CFAP299: variants seen among roughly 807,000 people sequenced by gnomAD.
CFAP299 encodes cilia- and flagella-associated protein 299.
CFAP299 carries 21 observed loss-of-function variants against 27.0 expected under a neutral mutation model. The observed-to-expected ratio is 0.78, with a 90% CI of 0.55 to 1.12. CFAP299 has a LOEUF of 1.12. CFAP299 is among the 50% of genes most tolerant of loss of function. The probability of loss-of-function intolerance (pLI) is 0.00; values close to 1 mark genes in which losing one functional copy is unlikely to be tolerated. For missense variants in CFAP299, 310 were observed against 276.6 expected (o/e 1.12, Z -0.86); for synonymous variants, 104 against 98.1 (o/e 1.06, Z -0.36).
intron 4 of CFAP299, among the ~76,000 whole-genome samples, chr4:80,901,262 T>C (rs564123229): frequency 1.1e-4 from 17 of 152,320 alleles, no homozygotes; most frequent in African/African-American, 4.1e-4. Flanking sequence ...AACACGCATG[T>C]GCACATACAC....
At chr4:80,885,350 T>C (rs1733920180) in intron 4 of CFAP299, among the ~76,000 whole-genome samples, 1 of 152,176 alleles carries the variant, frequency 6.6e-6, no homozygotes, top group Admixed American at 6.5e-5. Flanking sequence ...TTAGAGCCAG[T>C]GAACTACTGC....
chr4:80,439,431 G>A (rs1049836841), intron 2 of CFAP299, among the ~76,000 whole-genome samples: 9 of 152,160 alleles, frequency 5.9e-5, no homozygotes, highest in South Asian at 2.1e-4. Context: ...CACCTCACCC[G>A]GGAAGCTCAA....
intron 3 of CFAP299, chr4:80,608,494 C>A: frequency 1.7e-6 from 1 of 575,294 alleles, no homozygotes; most frequent in South Asian, 2.7e-5. Context: ...CCGAATTACT[C>A]ACCAGCTTGA....
At chr4:80,523,795 A>G (rs1416950540) in intron 2 of CFAP299, among the ~76,000 whole-genome samples, 1 of 152,110 alleles carries the variant, frequency 6.6e-6, no homozygotes, top group Non-Finnish European at 1.5e-5. Context: ...AGCCTCCACG[A>G]TTGTGTGAAC....
intron 2 of CFAP299, among the ~76,000 whole-genome samples, chr4:80,472,265 G>A (rs894180295): frequency 2.0e-5 from 3 of 152,176 alleles, no homozygotes; most frequent in Non-Finnish European, 4.4e-5. Flanking sequence ...GATAGTAAGC[G>A]GGGAGGAGAG....
chr4:80,720,919 A>T (rs978004356), intron 3 of CFAP299, among the ~76,000 whole-genome samples: 3 of 152,152 alleles, frequency 2.0e-5, no homozygotes, highest in African/African-American at 7.2e-5. Flanking sequence ...ATTGGAAGAT[A>T]TTTTTTAAAT....
intron 3 of CFAP299, among the ~76,000 whole-genome samples, chr4:80,721,603 T>C (rs752439074): frequency 6.6e-6 from 1 of 152,166 alleles, no homozygotes; most frequent in Non-Finnish European, 1.5e-5. Context: ...TGCCAAGGAT[T>C]AGGACTTCAA....
intron 3 of CFAP299, among the ~76,000 whole-genome samples, chr4:80,632,050 C>T (rs1166185820): frequency 1.3e-5 from 2 of 152,014 alleles, no homozygotes; most frequent in Non-Finnish European, 2.9e-5. Context: ...AGAAGAGCCT[C>T]TCTAGAACCT....
In CFAP299 at chr4:80,608,613, T is replaced by A. The variant is rs115653671; in HGVS notation, c.333+25430T>A. On this transcript the variant is annotated intron_variant, in intron 3 of 5. Coordinates refer to ENST00000358105, the MANE Select transcript of CFAP299 (RefSeq NM_152770.3). ...ATTTTGAAAAAAAGCGCATTGTAGATTTAATGAAGGAACTTAGGTTTTCAC... is the reference window on the plus strand; with the variant it reads ...ATTTTGAAAAAAAGCGCATTGTAGAATTAATGAAGGAACTTAGGTTTTCAC... 6.8e-3 allele frequency among the ~76,000 whole-genome samples: 1,029 copies of A among 152,286 alleles called. 13 individuals are homozygous for A. Among genetic ancestry groups the A allele is most frequent in the African/African-American group, 0.024 (988 of 41,568 alleles).
At chr4:80,664,415 C>T (rs569837228) in intron 3 of CFAP299, among the ~76,000 whole-genome samples, 2 of 152,220 alleles carry the variant, frequency 1.3e-5, no homozygotes, top group East Asian at 3.9e-4. Context: ...GGGGTTGCTG[C>T]CTTTCTTTCA....
intron 3 of CFAP299, among the ~76,000 whole-genome samples, chr4:80,837,473 C>T (rs1560437132): frequency 6.6e-6 from 1 of 152,012 alleles, no homozygotes; most frequent in Non-Finnish European, 1.5e-5. Context: ...GTATGATGTT[C>T]CCCTCCCTGT....
intron 3 of CFAP299, among the ~76,000 whole-genome samples, chr4:80,598,379 A>G (rs761099918): frequency 2.6e-5 from 4 of 152,236 alleles, no homozygotes; most frequent in Non-Finnish European, 5.9e-5. Flanking sequence ...GGCTTGTGCC[A>G]GTCATGTCAC....
intron 2 of CFAP299, among the ~76,000 whole-genome samples, chr4:80,364,451 T>G (rs1723716645): frequency 6.6e-6 from 1 of 152,196 alleles, no homozygotes; most frequent in Non-Finnish European, 1.5e-5. Context: ...CAGAAGGTTC[T>G]TTCCTGACTC....
chr4:80,695,677 T>TC (rs1721043439), intron 3 of CFAP299, among the ~76,000 whole-genome samples: 1 of 150,104 alleles, frequency 6.7e-6, no homozygotes, highest in Non-Finnish European at 1.5e-5. Context: ...TATCATCCTT[T>TC]TTTTTTTTTT....
intron 3 of CFAP299, among the ~76,000 whole-genome samples, chr4:80,773,598 C>G (rs1254623672): frequency 6.6e-6 from 1 of 151,936 alleles, no homozygotes; most frequent in Admixed American, 6.6e-5. Context: ...CCTTTAAGTC[C>G]TGGCAGTATT....
At position 80,614,533 on chromosome 4, in the gene CFAP299, C is replaced by T. The variant is rs538778270; in HGVS notation, c.333+31350C>T. On this transcript the variant is annotated intron_variant, in intron 3 of 5. Coordinates refer to ENST00000358105, the MANE Select transcript of CFAP299 (RefSeq NM_152770.3). ...GAAAGCACCAAGAGCAGGCACTCTG[C>T]GGGGGCAGCATGTGCGGCGGGTGTA... Among the ~76,000 whole-genome samples, 773 of 152,282 alleles carry T rather than the reference C, an allele frequency of 5.1e-3. 3 individuals are homozygous for T. The highest frequency in any genetic ancestry group is 7.6e-3 in the Non-Finnish European group (514 of 68,022).
intron 2 of CFAP299, among the ~76,000 whole-genome samples, chr4:80,511,217 C>T (rs1732283409): frequency 6.6e-6 from 1 of 152,058 alleles, no homozygotes; most frequent in African/African-American, 2.4e-5. Context: ...ATTAAAAGTA[C>T]CTACCTAGTT....
At position 80,799,918 on chromosome 4, in the gene CFAP299, A is replaced by T. The variant is rs866507095; in HGVS notation, c.334-70075A>T. Among the ~76,000 whole-genome samples the T allele has an allele frequency of 2.1e-4, 9 of 43,410 alleles. No individual in the cohort carries two copies. The East Asian group carries it at 4.6e-3, about 22-fold the overall frequency. 28.5% of individuals were successfully genotyped at this position (43,410 alleles called of 152,430 possible). ...ATTATATATTATAATATAATATATA[A>T]TATATATATTTATATATTATATTAT... On this transcript the variant is annotated intron_variant, in intron 3 of 5. Coordinates refer to ENST00000358105, the MANE Select transcript of CFAP299 (RefSeq NM_152770.3).
At chr4:80,956,104 G>A (rs180736903) in intron 5 of CFAP299, among the ~76,000 whole-genome samples, 2 of 152,158 alleles carry the variant, frequency 1.3e-5, no homozygotes, top group Admixed American at 6.5e-5. Context: ...CTTTCCCTCC[G>A]GTTTAATTAA....
Sources: allele counts gnomAD v4.1 joint callset (sites outside exome capture counted in the v4.1 genomes callset), GRCh38; gene constraint gnomAD v4.1.1; transcripts MANE v1.5; gene names NCBI Gene and HGNC (gene_info 2026-07-23, HGNC 2026-07-21).